GLCCI1: variants seen among roughly 807,000 people sequenced by gnomAD.
GLCCI1 encodes the protein glucocorticoid-induced transcript 1 protein.
Under a neutral mutation model 52.2 loss-of-function variants are expected in GLCCI1, and 24 were observed. That is an observed-to-expected ratio of 0.46 (90% CI 0.33 to 0.65). GLCCI1 has a LOEUF of 0.65. Ranked by LOEUF, GLCCI1 falls within the 30% of genes least tolerant of loss-of-function variation. The pLI is 0.02. For synonymous variants in GLCCI1, 310 were observed against 276.5 expected (o/e 1.12, Z -1.20); for missense variants, 704 against 701.5 (o/e 1.00, Z -0.04).
intron 3 of GLCCI1, among the ~76,000 whole-genome samples, chr7:8,039,713 T>G (rs1781953350): frequency 2.0e-5 from 3 of 152,120 alleles, no homozygotes; most frequent in Admixed American, 1.3e-4. Flanking sequence ...AGCCCAGACT[T>G]CAGCCGGGCG....
rs969423751 is a variant in GLCCI1, at chr7:7,969,059, C to T, written c.-292C>T. 6.6e-4 allele frequency: 117 copies of T among 176,740 alleles called. No homozygotes were observed. Among genetic ancestry groups the T allele is most frequent in the African/African-American group, 2.2e-3 (94 of 42,184 alleles). The allele number at this position is 176,740 out of a possible 1,614,324, so 10.9% of individuals were successfully genotyped here. A position where few individuals can be genotyped will look rare whatever the true frequency, so the allele number is the denominator to read the frequency against. ...GTCAGCACGATGCCTGGAGCGGTGG[C>T]GGCGGCGGCTCCGGGCTCCTTGCGG... is the stretch of plus-strand genomic sequence containing the variant. On this transcript the variant is annotated 5_prime_UTR_variant, in exon 1 of 8. Coordinates refer to ENST00000223145, the MANE Select transcript of GLCCI1 (RefSeq NM_138426.4). This position sits in a 1 kb window ranked among gnomAD's most constrained non-coding sequence, Gnocchi z 4.9.
At chr7:8,057,338 T>TATCCATGC (rs1782420911) in intron 4 of GLCCI1, among the ~76,000 whole-genome samples, 1 of 151,784 alleles carries the variant, frequency 6.6e-6, no homozygotes, top group Admixed American at 6.6e-5. Flanking sequence ...ACACTTCATG[T>TATCCATGC]ATCCATGCAT....
chr7:7,980,788 G>A (rs78740234), intron 1 of GLCCI1: 7,758 of 692,708 alleles, frequency 0.011, 336 homozygotes, highest in African/African-American at 0.1. Flanking sequence ...GTGACAGAAG[G>A]CATTGACATA....
chr7:8,028,514 A>G (rs1781671387), intron 3 of GLCCI1, among the ~76,000 whole-genome samples: 1 of 152,170 alleles, frequency 6.6e-6, no homozygotes, highest in African/African-American at 2.4e-5. Flanking sequence ...AAAAGAAGAA[A>G]AACTTCAAAT....
chr7:7,974,458 C>T (rs756716730), intron 1 of GLCCI1, among the ~76,000 whole-genome samples: 4 of 152,056 alleles, frequency 2.6e-5, no homozygotes, highest in East Asian at 1.9e-4. Flanking sequence ...GAAGGACTGC[C>T]GTGTACGTTT....
chr7:8,040,070 C>G lies in GLCCI1; in HGVS notation c.697-15363C>G, dbSNP rs191051020. Among the ~76,000 whole-genome samples the G allele has an allele frequency of 4.3e-3, 660 of 151,790 alleles. 2 individuals are homozygous for G. The highest frequency in any genetic ancestry group is 6.1e-3 in the Non-Finnish European group (416 of 67,952). ...CCATGTAACAGAACTGCACTTTACC[C>G]CCTAAATCTATATAAAAATAAATAA... On this transcript the variant is annotated intron_variant, in intron 3 of 7. Coordinates refer to ENST00000223145, the MANE Select transcript of GLCCI1 (RefSeq NM_138426.4).
chr7:8,028,709 G>A (rs893404009), intron 3 of GLCCI1, among the ~76,000 whole-genome samples: 1 of 150,768 alleles, frequency 6.6e-6, no homozygotes, highest in African/African-American at 2.5e-5. Flanking sequence ...TGACAAACCT[G>A]TAGCCAAGGT....
intron 1 of GLCCI1, among the ~76,000 whole-genome samples, chr7:7,989,892 AAG>A (rs766092221): frequency 1.3e-5 from 2 of 152,126 alleles, no homozygotes; most frequent in Non-Finnish European, 2.9e-5. Context: ...TATAGGTGAA[AAG>A]AGAGACAGAT....
At chr7:8,022,920 T>C (rs1290906354) in intron 3 of GLCCI1, among the ~76,000 whole-genome samples, 1 of 152,260 alleles carries the variant, frequency 6.6e-6, no homozygotes, top group Admixed American at 6.5e-5. Flanking sequence ...ATTTTAGTTA[T>C]CTTTTGTTCT....
At chr7:8,015,234 G>A (rs1285104445) in intron 2 of GLCCI1, among the ~76,000 whole-genome samples, 2 of 152,170 alleles carry the variant, frequency 1.3e-5, no homozygotes, top group African/African-American at 4.8e-5. Flanking sequence ...TTAGTCAAAG[G>A]AACAGATGAT....
At chr7:7,998,803 T>C (rs1027901989) in intron 1 of GLCCI1, among the ~76,000 whole-genome samples, 10 of 152,188 alleles carry the variant, frequency 6.6e-5, no homozygotes, top group African/African-American at 2.4e-4. Flanking sequence ...TTTCAAAGAA[T>C]TGGTTGACTT....
At chr7:8,084,239 A>G (rs1460627433) in intron 6 of GLCCI1, among the ~76,000 whole-genome samples, 3 of 152,168 alleles carry the variant, frequency 2.0e-5, no homozygotes, top group Non-Finnish European at 4.4e-5. Context: ...AAATATGAGG[A>G]AAACGTGTTA....
chr7:8,050,834 AT>A (rs1254279640), intron 3 of GLCCI1, among the ~76,000 whole-genome samples: 1 of 152,146 alleles, frequency 6.6e-6, no homozygotes, highest in African/African-American at 2.4e-5. Context: ...TTAGCAATAT[AT>A]TTTTTTAACC....
At chr7:8,019,279 G>T (rs937932266) in intron 2 of GLCCI1, among the ~76,000 whole-genome samples, 2 of 152,156 alleles carry the variant, frequency 1.3e-5, no homozygotes, top group African/African-American at 4.8e-5. Context: ...TGCTAAGTGT[G>T]ACTAAGGAAG....
chr7:8,014,476 T>C (rs965678139), intron 2 of GLCCI1, among the ~76,000 whole-genome samples: 3 of 152,268 alleles, frequency 2.0e-5, no homozygotes, highest in African/African-American at 7.2e-5. Flanking sequence ...TGCCATTTCA[T>C]CAGTGAATAT....
chr7:8,086,409 T>C lies in GLCCI1; in HGVS notation c.1515T>C (p.Ser505=). The C allele has an allele frequency of 6.2e-7, 1 of 1,614,160 alleles. No individual in the cohort carries two copies. ...EQLSSRVSFT[S]LSDDTSTAGS... ...TCTCATCCCGGGTTTCCTTTACGTC[T>C]CTTTCTGATGACACCAGCACAGCGG... The change falls in exon 8 of 8, where the codon TCT becomes TCC. Residue 505 remains serine, a synonymous_variant. Coordinates refer to ENST00000223145, the MANE Select transcript of GLCCI1 (RefSeq NM_138426.4). The surrounding 1 kb of genome is among the most constrained non-coding windows in gnomAD (Gnocchi z 4.4).
At chr7:7,975,382 G>A (rs191662449) in intron 1 of GLCCI1, among the ~76,000 whole-genome samples, 11 of 152,256 alleles carry the variant, frequency 7.2e-5, no homozygotes, top group African/African-American at 1.2e-4. Context: ...ACTATGCTGT[G>A]TCTCTAGTTT....
At chr7:8,052,430 T>C (rs1782279008) in intron 3 of GLCCI1, among the ~76,000 whole-genome samples, 1 of 152,198 alleles carries the variant, frequency 6.6e-6, no homozygotes, top group African/African-American at 2.4e-5. Context: ...TAGTTTTGAG[T>C]TGGTTATGGC....
chr7:7,997,926 C>CAAATAAATAAAT (rs55772533), intron 1 of GLCCI1, among the ~76,000 whole-genome samples: 9 of 139,200 alleles, frequency 6.5e-5, no homozygotes, highest in African/African-American at 8.0e-5. Flanking sequence ...GACTCTGTCT[C>CAAATAAATAAAT]AAATAAATAA....
Sources: allele counts gnomAD v4.1 joint callset (sites outside exome capture counted in the v4.1 genomes callset), GRCh38; gene constraint gnomAD v4.1.1; non-coding constraint Gnocchi (gnomAD v3.1); transcripts MANE v1.5; gene names NCBI Gene and HGNC (gene_info 2026-07-23, HGNC 2026-07-21).